Variants in SRFBP1 observed in about 807,000 individuals in gnomAD.
The protein encoded by SRFBP1 is serum response factor binding protein 1.
In SRFBP1, 47 loss-of-function variants were observed where a neutral mutation model predicts 45.5. That is an observed-to-expected ratio of 1.03 (90% CI 0.82 to 1.32). The LOEUF (loss-of-function observed/expected upper bound fraction) is 1.32. SRFBP1 is among the 40% of genes most tolerant of loss of function. The pLI is 0.00. For synonymous variants in SRFBP1, 203 were observed against 166.3 expected (o/e 1.22, Z -1.70); for missense variants, 621 against 484.6 (o/e 1.28, Z -2.64).
At chr5:122,066,201 G>C (rs1754294468) in intron 2 of SRFBP1, 1 of 152,114 alleles carries the variant, frequency 6.6e-6, no homozygotes, top group African/African-American at 2.4e-5. Context: ...CCATTTCTCT[G>C]CTATATAGTA....
intron 1 of SRFBP1, among the ~76,000 whole-genome samples, chr5:121,965,483 A>T (rs547958186): frequency 2.0e-5 from 3 of 152,286 alleles, no homozygotes; most frequent in Admixed American, 2.0e-4. Flanking sequence ...CAGGTTTGTC[A>T]AAGATCAGAT....
downstream of SRFBP1, among the ~76,000 whole-genome samples, chr5:122,030,550 A>G (rs192812698): frequency 1.6e-4 from 25 of 151,988 alleles, no homozygotes; most frequent in East Asian, 3.3e-3. Context: ...AGCTTGCCCA[A>G]TGAGATAAGC....
intron 3 of SRFBP1, among the ~76,000 whole-genome samples, chr5:121,983,424 T>C (rs1261710049): frequency 6.6e-6 from 1 of 151,774 alleles, no homozygotes; most frequent in Admixed American, 6.6e-5. Context: ...TTTGATGTTT[T>C]TATTTGGCAT....
chr5:121,997,250 C>T (rs1342688298), intron 4 of SRFBP1, among the ~76,000 whole-genome samples: 3 of 148,814 alleles, frequency 2.0e-5, no homozygotes, highest in Admixed American at 2.0e-4. Flanking sequence ...CATCACACTA[C>T]CTGACTTCAA....
At chr5:122,058,748 G>A (rs1470777605) in intron 2 of SRFBP1, among the ~76,000 whole-genome samples, 2 of 151,990 alleles carry the variant, frequency 1.3e-5, no homozygotes, top group Non-Finnish European at 2.9e-5. Flanking sequence ...CATGTTGTTG[G>A]GGCATTTGAT....
chr5:122,063,905 T>C (rs557957113), intron 2 of SRFBP1: 1 of 152,018 alleles, frequency 6.6e-6, no homozygotes, highest in East Asian at 1.9e-4. Flanking sequence ...TAGTGAGTAA[T>C]TGGATGATAG....
chr5:122,023,491 T>A (rs926169970), intron 7 of SRFBP1, among the ~76,000 whole-genome samples: 3 of 152,080 alleles, frequency 2.0e-5, no homozygotes, highest in Non-Finnish European at 4.4e-5. Context: ...GACAAAGTAA[T>A]GACAATAAAA....
intron 3 of SRFBP1, among the ~76,000 whole-genome samples, chr5:121,984,449 ACT>A (rs748861041): frequency 3.6e-4 from 54 of 151,436 alleles, no homozygotes; most frequent in Non-Finnish European, 2.7e-4. Context: ...CAAACATGAA[ACT>A]CTGTTTGGAT....
chr5:122,075,493 G>C, exon 3 of SRFBP1: 5 of 1,613,276 alleles, frequency 3.1e-6, no homozygotes, highest in Non-Finnish European at 4.2e-6. Flanking sequence ...GGGGAAATCT[G>C]AGCAGCACCC....
intron 2 of SRFBP1, among the ~76,000 whole-genome samples, chr5:122,052,913 T>G (rs1754014840): frequency 6.6e-6 from 1 of 152,172 alleles, no homozygotes; most frequent in South Asian, 2.1e-4. Context: ...TCGATGGATT[T>G]TTTTGCTTTT....
In SRFBP1 at chr5:122,020,454, ATAGC is replaced by A; in HGVS notation, c.721_724del (p.Ser241HisfsTer69). ...CAAACCAAAAAAAACAAAGGATCTGATAGCTCACTCTCTGGTAACAGTGATGGCG... is the reference window on the plus strand; with the variant it reads ...CAAACCAAAAAAAACAAAGGATCTGATCACTCTCTGGTAACAGTGATGGCG... On this transcript the variant is annotated frameshift_variant, in exon 6 of 8. Transcript: ENST00000339397. LOFTEE classifies it high-confidence loss of function. 6.2e-7 allele frequency: 1 copy of A among 1,614,150 alleles called. No homozygotes were observed. Among genetic ancestry groups the A allele is most frequent in the East Asian group, 2.2e-5 (1 of 44,870 alleles).
intron 1 of SRFBP1, among the ~76,000 whole-genome samples, chr5:121,963,381 G>C (rs190402742): frequency 6.6e-6 from 1 of 152,118 alleles, no homozygotes; most frequent in Non-Finnish European, 1.5e-5. Flanking sequence ...AAAGCGTTTG[G>C]TGGGCTATTT....
chr5:122,064,934 A>G (rs538007486), intron 2 of SRFBP1: 19 of 152,118 alleles, frequency 1.2e-4, no homozygotes, highest in Non-Finnish European at 2.2e-4. Flanking sequence ...CTCAGTATTA[A>G]TACTGACAGT....
At position 122,027,189 on chromosome 5, in the gene SRFBP1, C is replaced by A; in HGVS notation, c.*63C>A. The stretch of plus-strand genomic sequence containing the variant: ...AAAAATGTTTTTTTTAAGACAGGAT[C>A]TCATTCTGTTGCCCAGACTAGAGTA... On this transcript the variant is annotated 3_prime_UTR_variant, in exon 8 of 8. Transcript: ENST00000339397. 7.5e-7 allele frequency: 1 copy of A among 1,339,496 alleles called. No individual in the cohort carries two copies. The highest frequency in any genetic ancestry group is 1.0e-6 in the Non-Finnish European group (1 of 971,594). The allele number at this position is 1,339,496 out of a possible 1,614,324, so 83.0% of individuals were successfully genotyped here. A position where few individuals can be genotyped will look rare whatever the true frequency, so the allele number is the denominator to read the frequency against.
At chr5:122,057,505 G>C (rs1754103680) in intron 2 of SRFBP1, among the ~76,000 whole-genome samples, 1 of 151,084 alleles carries the variant, frequency 6.6e-6, no homozygotes, top group African/African-American at 2.4e-5. Flanking sequence ...ATGAGTGTGT[G>C]TGTACAAATG....
intron 2 of SRFBP1, chr5:122,074,049 G>C: frequency 1.2e-6 from 2 of 1,614,030 alleles, no homozygotes; most frequent in Middle Eastern, 3.3e-4. Context: ...GCCTGTGGTA[G>C]CCATAGTCAC....
chr5:122,078,044 C>G, downstream of SRFBP1: 1 of 1,407,142 alleles, frequency 7.1e-7, no homozygotes, highest in South Asian at 1.7e-5. Flanking sequence ...AAAATAAAAA[C>G]GGGGCTCAAA....
rs778623970 is a variant in SRFBP1 at position 122,027,076 on chromosome 5, C to G, written c.1240C>G (p.Gln414Glu). The part of the protein sequence containing the change: ...WEASRRRKEQ[Q>E]SNIAVFQGKK... ...AGCAAGCAGAAGGCGAAAAGAACAGCAATCTAATATTGCTGTGTTTCAGGG... is the reference window on the plus strand; with the variant it reads ...AGCAAGCAGAAGGCGAAAAGAACAGGAATCTAATATTGCTGTGTTTCAGGG... The change falls in exon 8 of 8, where the codon CAA becomes GAA. Residue 414 changes from glutamine to glutamate, a missense_variant. Transcript: ENST00000339397. 1.2e-6 allele frequency: 2 copies of G among 1,612,458 alleles called. No homozygotes were observed. Among genetic ancestry groups the G allele is most frequent in the Admixed American group, 1.7e-5 (1 of 59,830 alleles).
intron 2 of SRFBP1, chr5:122,070,860 C>T: frequency 4.1e-6 from 1 of 242,990 alleles, no homozygotes; most frequent in East Asian, 7.8e-5. Flanking sequence ...TCTGAAGGAA[C>T]AAAATAGGCC....
Sources: gnomAD v4.1 joint callset for allele counts (sites outside exome capture counted in the v4.1 genomes callset) on GRCh38, gnomAD v4.1.1 for gene constraint, MANE v1.5 for transcripts, NCBI Gene and HGNC (gene_info 2026-07-23, HGNC 2026-07-21) for gene names.